PTPRD: variants seen among roughly 807,000 people sequenced by gnomAD.
PTPRD encodes the protein receptor-type tyrosine-protein phosphatase delta.
PTPRD carries 34 observed loss-of-function variants against 214.5 expected under a neutral mutation model. The observed-to-expected ratio is 0.16, with a 90% CI of 0.12 to 0.21. The LOEUF is 0.21. PTPRD is among the 10% of genes least tolerant of loss of function. PTPRD has a pLI of 1.00. For missense variants in PTPRD, 2,545 were observed against 2,398.7 expected, an observed-to-expected ratio of 1.06 and a Z score of -1.27; for synonymous variants, 1,128 against 845.7, an observed-to-expected ratio of 1.33 and a Z score of -5.79.
At chr9:9,496,859 T>C (rs1470013904) in intron 8 of PTPRD, among the ~76,000 whole-genome samples, 2 of 152,182 alleles carry the variant, frequency 1.3e-5, no homozygotes, top group Admixed American at 6.5e-5. Context: ...CAAGTGTCCA[T>C]TGACGAATGA....
intron 6 of PTPRD, among the ~76,000 whole-genome samples, chr9:9,761,846 G>T (rs1001160117): frequency 6.6e-6 from 1 of 152,010 alleles, no homozygotes; most frequent in Non-Finnish European, 1.5e-5. Context: ...CAAAATCTGC[G>T]AATTATTCCA....
At chr9:10,520,921 A>T (rs2052015162) in intron 2 of PTPRD, among the ~76,000 whole-genome samples, 2 of 151,634 alleles carry the variant, frequency 1.3e-5, no homozygotes, top group Non-Finnish European at 2.9e-5. Context: ...CTGCTTATTG[A>T]CAATGCATCT....
chr9:9,622,082 ACT>A (rs2154353459), intron 7 of PTPRD, among the ~76,000 whole-genome samples: 1 of 152,144 alleles, frequency 6.6e-6, no homozygotes, highest in African/African-American at 2.4e-5. Flanking sequence ...CAAAACACAG[ACT>A]CTACATAGAA....
chr9:8,607,382 T>G (rs1287147457), intron 14 of PTPRD, among the ~76,000 whole-genome samples: 1 of 152,168 alleles, frequency 6.6e-6, no homozygotes, highest in Non-Finnish European at 1.5e-5. Context: ...CGGTGCCGCA[T>G]GCCTGTAATC....
chr9:10,372,797 A>C (rs2097652589), intron 2 of PTPRD, among the ~76,000 whole-genome samples: 1 of 150,780 alleles, frequency 6.6e-6, no homozygotes, highest in Admixed American at 6.7e-5. Context: ...TTTAGGCCTA[A>C]AGGTAGAACC....
intron 3 of PTPRD, among the ~76,000 whole-genome samples, chr9:10,282,219 G>C (rs2095152669): frequency 2.0e-5 from 3 of 152,040 alleles, no homozygotes; most frequent in Admixed American, 2.0e-4. Flanking sequence ...CTCTAAAATG[G>C]GAATGATAAC....
intron 3 of PTPRD, among the ~76,000 whole-genome samples, chr9:10,086,797 T>G (rs1259129805): frequency 6.6e-6 from 1 of 151,858 alleles, no homozygotes; most frequent in African/African-American, 2.4e-5. Flanking sequence ...ATAATTTGCT[T>G]TCATTTCAGG....
At position 9,453,653 on chromosome 9, in the gene PTPRD, T is replaced by A. The variant is rs191274523; in HGVS notation, c.-236-56171A>T. ...TGAGGTGTATATGTTTGTTTACTGT[T>A]CTCTTCAATAGCTTACAAAAATATG... On this transcript the variant is annotated intron_variant, in intron 8 of 45. Coordinates refer to ENST00000381196, the MANE Select transcript of PTPRD (RefSeq NM_002839.4). 3.1e-4 allele frequency among the ~76,000 whole-genome samples: 47 copies of A among 151,830 alleles called. No individual in the cohort carries two copies. In the East Asian group the frequency reaches 8.9e-3, roughly 29 times the overall value.
At chr9:9,944,150 G>T (rs897665755) in intron 4 of PTPRD, among the ~76,000 whole-genome samples, 3 of 152,098 alleles carry the variant, frequency 2.0e-5, no homozygotes, top group Admixed American at 6.6e-5. Context: ...CCTTTGTTGA[G>T]ATTGCATTGC....
At chr9:10,162,092 G>C (rs372649039) in intron 3 of PTPRD, among the ~76,000 whole-genome samples, 2 of 151,744 alleles carry the variant, frequency 1.3e-5, no homozygotes, top group East Asian at 3.9e-4. Context: ...CACTATTGGT[G>C]CAGGTACAAA....
Position 10,363,990 on chromosome 9 carries a change from G to GGTTTTT in PTPRD, c.-599-22979_-599-22974dup, listed in dbSNP as rs1565556148. ...TATTATTATTGCCTCCACATTTTCG[G>GGTTTTT]GTTTTTTTTTTTTTTTTTTTTTTTT... On this transcript the variant is annotated intron_variant, in intron 2 of 45. Coordinates refer to ENST00000381196, the MANE Select transcript of PTPRD (RefSeq NM_002839.4). 1.7e-3 allele frequency among the ~76,000 whole-genome samples: 36 copies of GGTTTTT among 20,666 alleles called. 4 individuals are homozygous for GGTTTTT. Among genetic ancestry groups the GGTTTTT allele is most frequent in the South Asian group, 4.3e-3 (2 of 468 alleles). 13.6% of individuals were successfully genotyped at this position (20,666 alleles called of 152,430 possible).
At chr9:10,488,751 T>A (rs1365773487) in intron 2 of PTPRD, among the ~76,000 whole-genome samples, 1 of 152,048 alleles carries the variant, frequency 6.6e-6, no homozygotes, top group Non-Finnish European at 1.5e-5. Context: ...CACAGGCCCA[T>A]GGGGAGTACT....
chr9:8,470,116 G>A (rs2096623312), intron 31 of PTPRD, among the ~76,000 whole-genome samples: 1 of 152,060 alleles, frequency 6.6e-6, no homozygotes. Context: ...GCCAAATGGG[G>A]GCGTTACGGT....
intron 4 of PTPRD, among the ~76,000 whole-genome samples, chr9:9,970,664 C>T (rs2095046426): frequency 6.6e-6 from 1 of 152,032 alleles, no homozygotes. Context: ...TTACAGAGAA[C>T]ATGAAGAAAG....
intron 2 of PTPRD, among the ~76,000 whole-genome samples, chr9:10,515,524 T>A (rs10756051): frequency 1.3e-5 from 2 of 151,850 alleles, no homozygotes; most frequent in East Asian, 3.9e-4. Context: ...TTTCAGCATA[T>A]TTTATTTTAG....
intron 11 of PTPRD, among the ~76,000 whole-genome samples, chr9:8,975,969 C>T (rs971669982): frequency 1.3e-5 from 2 of 151,970 alleles, no homozygotes; most frequent in African/African-American, 4.8e-5. Context: ...AGTAATCCCT[C>T]ATAGTTGTAC....
At chr9:8,563,796 G>A (rs1236149568) in intron 14 of PTPRD, among the ~76,000 whole-genome samples, 1 of 151,992 alleles carries the variant, frequency 6.6e-6, no homozygotes, top group Non-Finnish European at 1.5e-5. Context: ...AGAGTAGCTG[G>A]GACTACAGGC....
intron 9 of PTPRD, among the ~76,000 whole-genome samples, chr9:9,215,249 G>C (rs1029259667): frequency 6.6e-6 from 1 of 152,068 alleles, no homozygotes; most frequent in African/African-American, 2.4e-5. Flanking sequence ...CAGAAGTCAC[G>C]CCTGAGAGTA....
intron 4 of PTPRD, among the ~76,000 whole-genome samples, chr9:9,974,497 C>A (rs2095278814): frequency 6.6e-6 from 1 of 152,112 alleles, no homozygotes; most frequent in Admixed American, 6.5e-5. Flanking sequence ...AATAAGGTCA[C>A]CTGGCATAAG....
Sources: gnomAD v4.1 joint callset for allele counts (sites outside exome capture counted in the v4.1 genomes callset) on GRCh38, gnomAD v4.1.1 for gene constraint, MANE v1.5 for transcripts, NCBI Gene and HGNC (gene_info 2026-07-23, HGNC 2026-07-21) for gene names.